The following KEL variants were observed in gnomAD, a reference collection of about 807,000 sequenced individuals.
KEL encodes the protein kell blood group glycoprotein.
In KEL, 96 loss-of-function variants were observed where a neutral mutation model predicts 99.5. That is an observed-to-expected ratio of 0.97 (90% CI 0.82 to 1.14). The LOEUF (loss-of-function observed/expected upper bound fraction) is 1.14. Among genes scored for constraint, KEL ranks in the 50% most tolerant of loss-of-function variants. KEL has a pLI of 0.00. For synonymous variants in KEL, 355 were observed against 354.8 expected (o/e 1.00, Z -0.01); for missense variants, 926 against 924.2 (o/e 1.00, Z -0.03).
chr7:142,960,773 C>T (rs1407514854), intron 4 of KEL, among the ~76,000 whole-genome samples, 155 bp downstream of exon 4: 2 of 152,126 alleles, frequency 1.3e-5, no homozygotes, highest in Non-Finnish European at 2.9e-5. Context: ...GCCTCTTTTA[C>T]TCCCCCATCA....
chr7:142,961,377 A>G lies in KEL; in HGVS notation c.206T>C (p.Phe69Ser). 1 of 1,613,452 alleles carries G rather than the reference A, an allele frequency of 6.2e-7. No individual in the cohort carries two copies. The highest frequency in any genetic ancestry group is 1.1e-5 in the South Asian group (1 of 91,054). The change falls in exon 3 of 19, where the codon TTC becomes TCC. Residue 69 changes from phenylalanine to serine, a missense_variant. Phe to Ser is a radical substitution (Grantham distance 155). Coordinates refer to ENST00000355265, the MANE Select transcript of KEL (RefSeq NM_000420.3). The stretch of plus-strand genomic sequence containing the variant: ...TTGCTTACGAGGGCCACAGTTCTGG[A>G]AGTTGTAGAACAAAAGCACAGAAAA... ...LCFSVLLFYN[F>S]QNCGPRPCET...
At position 142,961,101 on chromosome 7, in the gene KEL, G is replaced by C; in HGVS notation, c.227C>G (p.Pro76Arg). Residue 76 changes from proline (P) to arginine (R), a missense_variant, in exon 4 of 19, where the codon CCC (proline) becomes CGC (arginine). Coordinates refer to ENST00000355265, the MANE Select transcript of KEL (RefSeq NM_000420.3). ...ATCCAAACACACAGATGTCTCACAG[G>C]GGCCTGTGGGGAAAAGCTCAGAGCT... The part of the protein sequence containing the change: ...FYNFQNCGPR[P>R]CETSVCLDLR... 6.2e-7 allele frequency: 1 copy of C among 1,613,544 alleles called. No individual in the cohort carries two copies. The highest frequency in any genetic ancestry group is 8.5e-7 in the Non-Finnish European group (1 of 1,180,032).
chr7:142,956,407 T>C (rs1304030367), intron 6 of KEL, among the ~76,000 whole-genome samples: 2 of 152,184 alleles, frequency 1.3e-5, no homozygotes, highest in African/African-American at 4.8e-5. Context: ...CTATGCACAA[T>C]TGTCATAAGA....
chr7:142,948,838 T>C (rs139432538), intron 10 of KEL, among the ~76,000 whole-genome samples: 7 of 152,042 alleles, frequency 4.6e-5, no homozygotes, highest in South Asian at 2.1e-4. Context: ...AGCTGCATCA[T>C]GTAGCGACAG....
At position 142,948,004 on chromosome 7, in the gene KEL, T is replaced by C. The variant is rs1562959501; in HGVS notation, c.1204-1687A>G. ...TCCAGGAATACCTCTTACCAGACAG[T>C]TGCTACATGTGGAGCAGCAACCAGC... On this transcript the variant is annotated intron_variant, in intron 10 of 18. Coordinates refer to ENST00000355265, the MANE Select transcript of KEL (RefSeq NM_000420.3). Among the ~76,000 whole-genome samples, 3 of 152,214 alleles carry C rather than the reference T, an allele frequency of 2.0e-5. No homozygotes were observed. In the East Asian group the frequency reaches 5.8e-4, roughly 29 times the overall value.
chr7:142,950,365 G>C (rs1355387574), intron 10 of KEL, among the ~76,000 whole-genome samples: 1 of 152,064 alleles, frequency 6.6e-6, no homozygotes, highest in Non-Finnish European at 1.5e-5. Flanking sequence ...CAAACACCTG[G>C]AGCATGCTCC....
At chr7:142,942,654 A>G in intron 17 of KEL, 125 bp from the exon 18 acceptor site, 1 of 879,670 alleles carries the variant, frequency 1.1e-6, no homozygotes, top group Non-Finnish European at 1.8e-6. Context: ...AGTTGATCTG[A>G]GCCAGAAGAA....
At position 142,942,536 on chromosome 7, in the gene KEL, AG is replaced by A; in HGVS notation, c.1942-8del. Reference sequence around the variant, plus strand: ...ACAGCCTCTTGCTGTATGCCTGGGTAGGGGTGGGTAGAGAAGGGCCATCAGG... The same window carrying A: ...ACAGCCTCTTGCTGTATGCCTGGGTAGGGTGGGTAGAGAAGGGCCATCAGG... On this transcript the variant is annotated splice_region_variant and splice_polypyrimidine_tract_variant and intron_variant, in intron 17 of 18. Transcript: ENST00000355265. 6.3e-7 allele frequency: 1 copy of A among 1,595,414 alleles called. No individual in the cohort carries two copies. The highest frequency in any genetic ancestry group is 8.6e-7 in the Non-Finnish European group (1 of 1,168,666).
chr7:142,958,499 G>T, intron 4 of KEL, 71 bp from the exon 5 acceptor site: 1 of 1,494,764 alleles, frequency 6.7e-7, no homozygotes, highest in Admixed American at 1.8e-5. Context: ...CCTATCAAAG[G>T]GGTCTGGGGA....
chr7:142,961,433 T>C lies in KEL; in HGVS notation c.150A>G (p.Thr50=). The change falls in exon 3 of 19, where the codon ACA becomes ACG. Residue 50 remains threonine, a synonymous_variant. Transcript: ENST00000355265. ...RPWAVARRVL[T]AILILGLLLC... ...GGAGCAGGCCCAAAATCAGGATAGC[T>C]GTCAGCACCCGCCTGGCCACTGCCC... The C allele has an allele frequency of 2.5e-6, 4 of 1,613,604 alleles. No homozygotes were observed. Among genetic ancestry groups the C allele is most frequent in the Admixed American group, 1.7e-5 (1 of 60,002 alleles).
chr7:142,954,238 C>T lies in KEL; in HGVS notation c.870G>A (p.Glu290=). ...AGAGCTTGCCCTGTGCCCGCCGCTG[C>T]TCCAGGGGCCTCAGAAACTGGAACA... is the stretch of plus-strand genomic sequence containing the variant. ...SRLFQFLRPL[E]QRRAQGKLFQ... Residue 290 remains glutamate (E), a synonymous_variant, in exon 8 of 19, where the codon GAG becomes GAA. Transcript: ENST00000355265. 3 of 1,613,852 alleles carry T rather than the reference C, an allele frequency of 1.9e-6. No individual in the cohort carries two copies. The highest frequency in any genetic ancestry group is 1.7e-6 in the Non-Finnish European group (2 of 1,180,004).
At chr7:142,944,770 G>C in intron 11 of KEL, 29 bp from the exon 12 acceptor site, 1 of 1,560,114 alleles carries the variant, frequency 6.4e-7, no homozygotes, top group East Asian at 2.2e-5. Context: ...GGGACAGGGG[G>C]ACAGGATCAG....
At position 142,953,824 on chromosome 7, in the gene KEL, T is replaced by C. The variant is rs1466053656; in HGVS notation, c.1057A>G (p.Met353Val). ...GCGGCGAACCTCTGCTTTAGCAGCA[T>C]CTCCTCCACCAGTTGTGACATGTTT... Reference protein sequence around the residue: ...LKNMSQLVEEMLLKQRDFLQS... With the variant: ...LKNMSQLVEEVLLKQRDFLQS... The change falls in exon 9 of 19, where the codon ATG becomes GTG. Residue 353 changes from methionine to valine, a missense_variant. Physicochemically the swap from Met to Val is conservative, Grantham distance 21. Coordinates refer to ENST00000355265, the MANE Select transcript of KEL (RefSeq NM_000420.3). The C allele has an allele frequency of 6.2e-7, 1 of 1,614,192 alleles. No homozygotes were observed. Among genetic ancestry groups the C allele is most frequent in the Non-Finnish European group, 8.5e-7 (1 of 1,180,048 alleles).
At position 142,952,407 on chromosome 7, in the gene KEL, A is replaced by G. The variant is rs1310136770; in HGVS notation, c.1203+102T>C. The G allele has an allele frequency of 2.1e-6, 3 of 1,460,204 alleles. No homozygotes were observed. The African/African-American group carries it at 4.2e-5, about 20-fold the overall frequency. The allele number at this position is 1,460,204 out of a possible 1,614,324, so 90.5% of individuals were successfully genotyped here. A position where few individuals can be genotyped will look rare whatever the true frequency, so the allele number is the denominator to read the frequency against. On this transcript the variant is annotated intron_variant, in intron 10 of 18. Transcript: ENST00000355265. ...GCCAAGACATGGAGGGGCATCTACC[A>G]TCACGGCCCCCTCCCTGAGAGAGAG...
intron 5 of KEL, 135 bp downstream of exon 5, chr7:142,958,169 T>C: frequency 7.2e-7 from 1 of 1,381,684 alleles, no homozygotes; most frequent in Non-Finnish European, 1.0e-6. Flanking sequence ...ACCATTTCCA[T>C]CTCCATCTCC....
chr7:142,943,837 C>G lies in KEL; in HGVS notation c.1538G>C (p.Arg513Pro). ...SFLQSVLSCV[R>P]SLRARIVQSF... ...CTGGACAATTCTAGCTCGGAGGGACCGGACACAGCTCAGGACAGACTGCAG... is the reference window on the plus strand; with the variant it reads ...CTGGACAATTCTAGCTCGGAGGGACGGGACACAGCTCAGGACAGACTGCAG... Residue 513 changes from arginine (R) to proline (P), a missense_variant, in exon 14 of 19, where the codon CGG becomes CCG. By Grantham distance (103) the Arg-to-Pro change is moderately radical (BLOSUM62 -2). Coordinates refer to ENST00000355265, the MANE Select transcript of KEL (RefSeq NM_000420.3). 1.2e-6 allele frequency: 2 copies of G among 1,614,098 alleles called. No homozygotes were observed. Among genetic ancestry groups the G allele is most frequent in the Non-Finnish European group, 1.7e-6 (2 of 1,180,014 alleles).
chr7:142,953,096 CA>C (rs1340818465), intron 9 of KEL, among the ~76,000 whole-genome samples: 1 of 152,166 alleles, frequency 6.6e-6, no homozygotes, highest in Non-Finnish European at 1.5e-5. Flanking sequence ...CTACCTCCCT[CA>C]AAAAGGATTT....
Position 142,942,547 on chromosome 7 carries a change from G to C in KEL, c.1942-18C>G. The C allele has an allele frequency of 6.4e-7, 1 of 1,569,758 alleles. No individual in the cohort carries two copies. Among genetic ancestry groups the C allele is most frequent in the Non-Finnish European group, 8.7e-7 (1 of 1,147,320 alleles). ...CTGTATGCCTGGGTAGGGGTGGGTA[G>C]AGAAGGGCCATCAGGCTCTAGACCT... is the stretch of plus-strand genomic sequence containing the variant. On this transcript the variant is annotated intron_variant, in intron 17 of 18. Transcript: ENST00000355265.
intron 4 of KEL, among the ~76,000 whole-genome samples, chr7:142,959,804 A>T (rs1416174457): frequency 1.3e-5 from 2 of 152,106 alleles, no homozygotes; most frequent in African/African-American, 4.8e-5. Context: ...TATCCTGAGC[A>T]TATTTTTTCT....
Sources: gnomAD v4.1 joint callset for allele counts (sites outside exome capture counted in the v4.1 genomes callset) on GRCh38, gnomAD v4.1.1 for gene constraint, MANE v1.5 for transcripts, NCBI Gene and HGNC (gene_info 2026-07-23, HGNC 2026-07-21) for gene names.